The following LRMDA variants were observed in gnomAD, a reference collection of about 807,000 sequenced individuals.
The protein encoded by LRMDA is leucine-rich melanocyte differentiation-associated protein.
LRMDA carries 18 observed loss-of-function variants against 29.8 expected under a neutral mutation model. That is an observed-to-expected ratio of 0.60 (90% CI 0.42 to 0.90). The LOEUF is 0.90. Among genes scored for constraint, LRMDA ranks in the 40% least tolerant of loss-of-function variants. The probability of loss-of-function intolerance (pLI) is 0.00; values close to 1 mark genes in which losing one functional copy is unlikely to be tolerated. For missense variants in LRMDA, 273 were observed against 273.9 expected, an observed-to-expected ratio of 1.00 and a Z score of 0.02; for synonymous variants, 125 against 109.4, an observed-to-expected ratio of 1.14 and a Z score of -0.89.
chr10:75,940,074 T>C (rs1490592952), intron 2 of LRMDA, among the ~76,000 whole-genome samples: 1 of 152,180 alleles, frequency 6.6e-6, no homozygotes, highest in Non-Finnish European at 1.5e-5. Context: ...ACCCAGTCAT[T>C]AATTAGGTGA....
chr10:75,731,704 G>A (rs555503412), intron 2 of LRMDA, among the ~76,000 whole-genome samples: 104 of 152,300 alleles, frequency 6.8e-4, no homozygotes, highest in Admixed American at 1.2e-3. Context: ...ATTGCTGATT[G>A]ACACGTTGGT....
At chr10:75,867,484 A>G (rs2132328313) in intron 2 of LRMDA, among the ~76,000 whole-genome samples, 1 of 152,202 alleles carries the variant, frequency 6.6e-6, no homozygotes, top group Admixed American at 6.5e-5. Context: ...TACAGCTAAC[A>G]CCAGAGCGTC....
intron 2 of LRMDA, among the ~76,000 whole-genome samples, chr10:75,519,372 T>G (rs1372159260): frequency 3.3e-5 from 5 of 151,746 alleles, no homozygotes; most frequent in Non-Finnish European, 7.4e-5. Context: ...GCTTTATGAC[T>G]CTGGGTGCAT....
Position 76,441,686 on chromosome 10 carries a change from G to A in LRMDA, c.602-115523G>A, listed in dbSNP as rs1256984185. Among the ~76,000 whole-genome samples the A allele has an allele frequency of 5.3e-5, 8 of 152,280 alleles. 1 individual carries two copies. The highest frequency in any genetic ancestry group is 1.4e-4 in the African/African-American group (6 of 41,540). ...CCCATCCAGCAGGATGTGGATGTGCGAGGCTCTGCCCCCCTCTCCTCTCCC... is the reference window on the plus strand; with the variant it reads ...CCCATCCAGCAGGATGTGGATGTGCAAGGCTCTGCCCCCCTCTCCTCTCCC... On this transcript the variant is annotated intron_variant, in intron 6 of 6. Coordinates refer to ENST00000611255, the MANE Select transcript of LRMDA (RefSeq NM_001305581.2).
intron 2 of LRMDA, among the ~76,000 whole-genome samples, chr10:75,562,585 G>A (rs1462631068): frequency 6.6e-6 from 1 of 152,066 alleles, no homozygotes; most frequent in Non-Finnish European, 1.5e-5. Context: ...ATGTTAGCTG[G>A]TTATTTTGCT....
intron 2 of LRMDA, among the ~76,000 whole-genome samples, chr10:75,703,743 T>C (rs966022111): frequency 6.6e-5 from 10 of 152,244 alleles, no homozygotes; most frequent in Admixed American, 6.5e-4. Context: ...AACTCTTTAA[T>C]CAGCATTTTA....
chr10:76,422,889 C>A (rs1183146904), intron 6 of LRMDA, among the ~76,000 whole-genome samples: 1 of 152,208 alleles, frequency 6.6e-6, no homozygotes, highest in Non-Finnish European at 1.5e-5. Flanking sequence ...CAATTTACTT[C>A]CTCATGAAAA....
intron 5 of LRMDA, among the ~76,000 whole-genome samples, chr10:76,209,219 T>C (rs1424212291): frequency 6.6e-6 from 1 of 152,084 alleles, no homozygotes; most frequent in African/African-American, 2.4e-5. Flanking sequence ...CCTAATAAGC[T>C]AAGGAGAGTC....
intron 3 of LRMDA, among the ~76,000 whole-genome samples, chr10:76,038,407 G>T (rs1430306705): frequency 6.6e-6 from 1 of 152,200 alleles, no homozygotes; most frequent in African/African-American, 2.4e-5. Flanking sequence ...GGGAGTAATG[G>T]TAATGGCCTA....
chr10:75,805,580 G>A (rs1021532397), intron 2 of LRMDA, among the ~76,000 whole-genome samples: 2 of 152,142 alleles, frequency 1.3e-5, no homozygotes, highest in African/African-American at 4.8e-5. Flanking sequence ...GCCATGCAAA[G>A]GAGTCAGGAT....
chr10:76,209,180 A>G (rs1028901348), intron 5 of LRMDA, among the ~76,000 whole-genome samples: 1 of 152,140 alleles, frequency 6.6e-6, no homozygotes. Context: ...AAAATAAAAA[A>G]AAACTTGCCT....
At chr10:75,971,151 A>G (rs1161827561) in intron 2 of LRMDA, among the ~76,000 whole-genome samples, 1 of 152,114 alleles carries the variant, frequency 6.6e-6, no homozygotes, top group Non-Finnish European at 1.5e-5. Flanking sequence ...CCATGTAGAG[A>G]TATTGGTGAA....
chr10:76,127,571 GTT>G (rs34557655), intron 5 of LRMDA, among the ~76,000 whole-genome samples: 134 of 147,216 alleles, frequency 9.1e-4, no homozygotes, highest in African/African-American at 2.0e-3. Context: ...AGAGTGCAGA[GTT>G]TTTTTTTTTT....
intron 2 of LRMDA, among the ~76,000 whole-genome samples, chr10:75,483,541 T>C (rs1324095485): frequency 6.6e-6 from 1 of 152,242 alleles, no homozygotes; most frequent in Non-Finnish European, 1.5e-5. Flanking sequence ...TTCTTGACCT[T>C]TATTTTCTGC....
In LRMDA at chr10:75,431,784, G is replaced by A. The variant is rs774977047; in HGVS notation, c.30+30G>A. ...GTCCCGGCCAGCCCCGCCTCCGCCC[G>A]GGGCGCAGTCCGCGTGGGGAGGGAC... On this transcript the variant is annotated intron_variant, in intron 1 of 6. Coordinates refer to ENST00000611255, the MANE Select transcript of LRMDA (RefSeq NM_001305581.2). The A allele has an allele frequency of 1.0e-4, 135 of 1,345,300 alleles. 1 individual carries two copies. Among genetic ancestry groups the A allele is most frequent in the Non-Finnish European group, 5.6e-5 (59 of 1,044,470 alleles). 83.3% of individuals were successfully genotyped at this position (1,345,300 alleles called of 1,614,324 possible).
At chr10:76,241,839 G>C (rs1023911696) in intron 5 of LRMDA, among the ~76,000 whole-genome samples, 3 of 152,128 alleles carry the variant, frequency 2.0e-5, no homozygotes, top group African/African-American at 7.2e-5. Context: ...TGACTTTGGG[G>C]CTGTTGGCCA....
rs116363646 is a variant in LRMDA, at chr10:75,788,999, G to A, written c.132-247009G>A. On this transcript the variant is annotated intron_variant, in intron 2 of 6. Transcript: ENST00000611255. ...TTGAGGTAGATTTGCTAGGTCAAAG[G>A]GTATGTGCCCTCTGCTTAACTCTTT... Among the ~76,000 whole-genome samples the A allele has an allele frequency of 4.8e-3, 725 of 152,292 alleles. 4 individuals carry two copies. Among genetic ancestry groups the A allele is most frequent in the African/African-American group, 0.016 (684 of 41,546 alleles).
chr10:75,818,794 G>C (rs934730645), intron 2 of LRMDA, among the ~76,000 whole-genome samples: 3 of 152,216 alleles, frequency 2.0e-5, no homozygotes, highest in African/African-American at 7.2e-5. Context: ...TAAGATACTG[G>C]CTGCTGGCAC....
chr10:76,131,050 G>A (rs1004474931), intron 5 of LRMDA, among the ~76,000 whole-genome samples: 6 of 152,112 alleles, frequency 3.9e-5, no homozygotes, highest in African/African-American at 7.2e-5. Context: ...GGAAAGCAGC[G>A]AGGGCCACCC....
Sources: gnomAD v4.1 joint callset for allele counts (sites outside exome capture counted in the v4.1 genomes callset) on GRCh38, gnomAD v4.1.1 for gene constraint, MANE v1.5 for transcripts, NCBI Gene and HGNC (gene_info 2026-07-23, HGNC 2026-07-21) for gene names.